VSIG8: variants seen among roughly 807,000 people sequenced by gnomAD.
VSIG8 encodes V-set and immunoglobulin domain containing 8.
Under a neutral mutation model 42.6 loss-of-function variants are expected in VSIG8, and 32 were observed. The ratio of observed to expected loss-of-function variants is 0.75; its 90% CI spans 0.57 to 1.01. The LOEUF (loss-of-function observed/expected upper bound fraction) is 1.01. VSIG8 is among the 50% of genes least tolerant of loss of function. The pLI, the probability that VSIG8 is intolerant of heterozygous loss-of-function variation, is 0.00. For synonymous variants in VSIG8, 290 were observed against 243.8 expected (o/e 1.19, Z -1.77); for missense variants, 529 against 558.0 (o/e 0.95, Z 0.52).
In VSIG8 at chr1:159,858,865, A is replaced by G. The variant is rs1451027765; in HGVS notation, c.97T>C (p.Tyr33His). 4 of 1,614,022 alleles carry G rather than the reference A, an allele frequency of 2.5e-6. No homozygotes were observed. The highest frequency in any genetic ancestry group is 1.3e-5 in the African/African-American group (1 of 75,022). Reference sequence around the variant, plus strand: ...CTCACATTATCACCTTCTGCCAGGTACAGGACCTCCTGTCCATCCCCGTTG... The same window carrying G: ...CTCACATTATCACCTTCTGCCAGGTGCAGGACCTCCTGTCCATCCCCGTTG... ...RINGDGQEVL[Y>H]LAEGDNVRLG... The change falls in exon 2 of 7, where the codon TAC (tyrosine) becomes CAC (histidine). Residue 33 changes from tyrosine (Y) to histidine (H), a missense_variant. Tyr to His is a moderately conservative substitution (Grantham distance 83). Transcript: ENST00000368100.
intron 6 of VSIG8, 189 bp from the exon 7 acceptor site, chr1:159,855,215 G>C: frequency 1.3e-6 from 2 of 1,551,648 alleles, no homozygotes; most frequent in Non-Finnish European, 1.7e-6. Flanking sequence ...ACCCTGCAGC[G>C]GTCCCGGAGC....
intron 4 of VSIG8, 128 bp from the exon 5 acceptor site, chr1:159,856,771 CCA>C (rs34019182): frequency 0.017 from 14,528 of 849,738 alleles, no homozygotes; most frequent in South Asian, 0.021. Context: ...ACACCCACAC[CCA>C]CACACACACA....
chr1:159,856,891 C>G (rs1557903417), intron 4 of VSIG8, among the ~76,000 whole-genome samples: 1 of 152,192 alleles, frequency 6.6e-6, no homozygotes, highest in Non-Finnish European at 1.5e-5. Context: ...TTCACTCTGA[C>G]CTTAGGGAAA....
At chr1:159,856,427 A>T in intron 5 of VSIG8, 97 bp downstream of exon 5, 1 of 1,578,692 alleles carries the variant, frequency 6.3e-7, no homozygotes, top group Non-Finnish European at 8.6e-7. Context: ...AATGGATGGC[A>T]GTGGAAAGGC....
Position 159,857,981 on chromosome 1 carries a change from A to G in VSIG8, c.431-15T>C. The G allele has an allele frequency of 6.2e-7, 1 of 1,613,002 alleles. No individual in the cohort carries two copies. ...TGCAGGTCGTGCTGCAAGGAGGCAG[A>G]CAATTGTAAGCCAGGGCCCAGCCAA... On this transcript the variant is annotated splice_polypyrimidine_tract_variant and intron_variant, in intron 3 of 6. Transcript: ENST00000368100.
chr1:159,858,159 T>C lies in VSIG8; in HGVS notation c.361A>G (p.Thr121Ala). ...INLMNLQVSD[T>A]ATYECRVKKT... ...TTCACCCGGCACTCATAAGTGGCTGTATCAGATACCTGCAGGTTCATGAGG... is the reference window on the plus strand; with the variant it reads ...TTCACCCGGCACTCATAAGTGGCTGCATCAGATACCTGCAGGTTCATGAGG... Residue 121 changes from threonine to alanine, a missense_variant, in exon 3 of 7, where the codon ACA becomes GCA. By Grantham distance (58) the Thr-to-Ala change is moderately conservative (BLOSUM62 0). Coordinates refer to ENST00000368100, the MANE Select transcript of VSIG8 (RefSeq NM_001013661.1). 4 of 1,614,218 alleles carry C rather than the reference T, an allele frequency of 2.5e-6. No individual in the cohort carries two copies. Among genetic ancestry groups the C allele is most frequent in the Non-Finnish European group, 2.5e-6 (3 of 1,180,026 alleles).
chr1:159,860,726 A>C (rs1481193732), intron 1 of VSIG8: 3 of 152,400 alleles, frequency 2.0e-5, no homozygotes, highest in African/African-American at 7.2e-5. Flanking sequence ...TGCTCAAGGC[A>C]AGCCAGGGAT....
chr1:159,860,238 G>A (rs1203766642), intron 1 of VSIG8, among the ~76,000 whole-genome samples: 1 of 152,130 alleles, frequency 6.6e-6, no homozygotes, highest in South Asian at 2.1e-4. Context: ...TCGGCACGTG[G>A]CCCACTCTTA....
chr1:159,855,683 G>A, intron 6 of VSIG8, 200 bp downstream of exon 6: 2 of 950,214 alleles, frequency 2.1e-6, no homozygotes, highest in Non-Finnish European at 2.5e-6. Flanking sequence ...GCAGGGAGCA[G>A]AGGTGAAGAC....
In VSIG8 at chr1:159,856,055, C is replaced by A. The variant is rs1387525285; in HGVS notation, c.799G>T (p.Gly267Cys). The change falls in exon 6 of 7, where the codon GGC (glycine) becomes TGC (cysteine). Residue 267 changes from glycine (G) to cysteine (C), a missense_variant. By Grantham distance (159) the Gly-to-Cys change is radical (BLOSUM62 -3). Transcript: ENST00000368100. The part of the protein sequence containing the change: ...SDSRRIGVII[G>C]IVLGSLLALG... ...GCGAGCAGAGAGCCCAGGACGATGC[C>A]GATGATCACGCCTATACGCCGGGAG... 6 of 1,612,254 alleles carry A rather than the reference C, an allele frequency of 3.7e-6. No individual in the cohort carries two copies. Among genetic ancestry groups the A allele is most frequent in the Admixed American group, 1.7e-5 (1 of 59,922 alleles).
chr1:159,859,382 C>G (rs1648954925), intron 1 of VSIG8, among the ~76,000 whole-genome samples: 1 of 152,060 alleles, frequency 6.6e-6, no homozygotes, highest in African/African-American at 2.4e-5. Context: ...TAAATGTCAC[C>G]TATGTGGGCT....
In VSIG8 at chr1:159,856,510, A is replaced by G; in HGVS notation, c.772+14T>C. ...CCCTCCCAACCACCCAGCCCTCAAG[A>G]CTGCTGCACCTACCTGAGACCTTCA... is the stretch of plus-strand genomic sequence containing the variant. On this transcript the variant is annotated intron_variant, in intron 5 of 6. Coordinates refer to ENST00000368100, the MANE Select transcript of VSIG8 (RefSeq NM_001013661.1). The G allele has an allele frequency of 6.2e-7, 1 of 1,613,462 alleles. No individual in the cohort carries two copies. The highest frequency in any genetic ancestry group is 8.5e-7 in the Non-Finnish European group (1 of 1,179,678).
intron 1 of VSIG8, chr1:159,860,771 C>T (rs1648997790): frequency 1.3e-5 from 2 of 152,338 alleles, no homozygotes; most frequent in Admixed American, 1.3e-4. Flanking sequence ...AGGCTCCACC[C>T]TGGAGAAGCA....
At chr1:159,857,713 C>T (rs1226959891) in intron 4 of VSIG8, 32 bp downstream of exon 4, 1 of 1,591,580 alleles carries the variant, frequency 6.3e-7, no homozygotes, top group African/African-American at 1.3e-5. Context: ...CTTCCACTCA[C>T]CCCCGACTGC....
rs1571171077 is a variant in VSIG8, at chr1:159,862,320, G to A, written c.49+153C>T. ...AGGGTCTCCTGGGGAAAGGTCCCCT[G>A]GTAATACCCACACCCGGCTGCAGCA... is the stretch of plus-strand genomic sequence containing the variant. On this transcript the variant is annotated intron_variant, in intron 1 of 6. Coordinates refer to ENST00000368100, the MANE Select transcript of VSIG8 (RefSeq NM_001013661.1). 5 of 714,514 alleles carry A rather than the reference G, an allele frequency of 7.0e-6. No individual in the cohort carries two copies. The East Asian group carries it at 1.4e-4, about 20-fold the overall frequency. The allele number at this position is 714,514 out of a possible 1,614,324, so 44.3% of individuals were successfully genotyped here.
At chr1:159,855,229 C>T (rs1190830985) in intron 6 of VSIG8, 5 of 1,551,646 alleles carry the variant, frequency 3.2e-6, no homozygotes, top group Middle Eastern at 1.7e-4. Flanking sequence ...CCGGAGCCAG[C>T]ATCCCCATCC....
At chr1:159,857,562 C>T (rs545131698) in intron 4 of VSIG8, among the ~76,000 whole-genome samples, 183 bp downstream of exon 4, 50 of 132,348 alleles carry the variant, frequency 3.8e-4, no homozygotes, top group African/African-American at 1.2e-3. Context: ...GCAACAAGAG[C>T]GAAACTCTGT....
At chr1:159,856,398 C>T in intron 5 of VSIG8, 126 bp downstream of exon 5, 1 of 1,515,916 alleles carries the variant, frequency 6.6e-7, no homozygotes, top group East Asian at 2.3e-5. Context: ...AGGAAAGGGG[C>T]TGGGAGCCCC....
Position 159,855,990 on chromosome 1 carries a change from G to A in VSIG8, c.864C>T (p.Cys288=). Residue 288 remains cysteine (C), a synonymous_variant, in exon 6 of 7, where the codon TGC becomes TGT. Coordinates refer to ENST00000368100, the MANE Select transcript of VSIG8 (RefSeq NM_001013661.1). ...CLAVGIWGLV[C]CCCGGSGAGG... ...CAGCCCCGGAGCCCCCGCAGCAGCAGCAGACGAGCCCCCAGATGCCTACGG... is the reference window on the plus strand; with the variant it reads ...CAGCCCCGGAGCCCCCGCAGCAGCAACAGACGAGCCCCCAGATGCCTACGG... 7 of 1,605,934 alleles carry A rather than the reference G, an allele frequency of 4.4e-6. No homozygotes were observed. Among genetic ancestry groups the A allele is most frequent in the Non-Finnish European group, 5.1e-6 (6 of 1,176,530 alleles).
Sources: gnomAD v4.1 joint callset for allele counts (sites outside exome capture counted in the v4.1 genomes callset) on GRCh38, gnomAD v4.1.1 for gene constraint, MANE v1.5 for transcripts, NCBI Gene and HGNC (gene_info 2026-07-23, HGNC 2026-07-21) for gene names.